Variants in RUNX1T1 observed in about 807,000 individuals in gnomAD.
RUNX1T1 encodes the protein protein CBFA2T1.
In RUNX1T1, 4 loss-of-function variants were observed where a neutral mutation model predicts 62.8. The observed-to-expected ratio is 0.06, with a 90% confidence interval of 0.03 to 0.15. The LOEUF (loss-of-function observed/expected upper bound fraction) is 0.15. Among genes scored for constraint, RUNX1T1 ranks in the 10% least tolerant of loss-of-function variants. The pLI, the probability that RUNX1T1 is intolerant of heterozygous loss-of-function variation, is 1.00. For synonymous variants in RUNX1T1, 291 were observed against 286.0 expected (o/e 1.02, Z -0.18); for missense variants, 508 against 754.3 (o/e 0.67, Z 3.82).
At chr8:92,035,304 A>T (rs1827205246) in intron 1 of RUNX1T1, among the ~76,000 whole-genome samples, 1 of 151,848 alleles carries the variant, frequency 6.6e-6, no homozygotes, top group African/African-American at 2.4e-5. Flanking sequence ...TCAAAAAAAA[A>T]AAAAAATAAG....
At chr8:92,069,471 A>C (rs927434807) in intron 2 of RUNX1T1, among the ~76,000 whole-genome samples, 2 of 152,134 alleles carry the variant, frequency 1.3e-5, no homozygotes, top group Non-Finnish European at 2.9e-5. Flanking sequence ...CATCTCTAAT[A>C]AATTCTCCAC....
chr8:91,960,902 A>G (rs762751506), intron 10 of RUNX1T1, among the ~76,000 whole-genome samples: 1 of 152,258 alleles, frequency 6.6e-6, no homozygotes, highest in African/African-American at 2.4e-5. Flanking sequence ...ACACAGAGAT[A>G]TATCTGAGCA....
intron 1 of RUNX1T1, among the ~76,000 whole-genome samples, chr8:92,085,279 A>G (rs1835919163): frequency 6.6e-6 from 1 of 152,232 alleles, no homozygotes; most frequent in Non-Finnish European, 1.5e-5. Context: ...AAAATGACTC[A>G]GAGTACCAAA....
intron 1 of RUNX1T1, among the ~76,000 whole-genome samples, chr8:92,039,111 G>T (rs1422737781): frequency 6.6e-6 from 1 of 151,788 alleles, no homozygotes; most frequent in Non-Finnish European, 1.5e-5. Context: ...TTTCCTTCCA[G>T]GTGGCCAAAT....
intron 6 of RUNX1T1, among the ~76,000 whole-genome samples, chr8:91,987,656 G>C (rs1816853771): frequency 6.6e-6 from 1 of 152,084 alleles, no homozygotes; most frequent in South Asian, 2.1e-4. Flanking sequence ...ATCCTAATTT[G>C]AAGTCCATGA....
At chr8:92,002,044 G>A (rs900166287) in intron 5 of RUNX1T1, among the ~76,000 whole-genome samples, 3 of 151,960 alleles carry the variant, frequency 2.0e-5, no homozygotes, top group Non-Finnish European at 4.4e-5. Context: ...CAAAACAAAC[G>A]ATCACATTCC....
At chr8:92,087,580 G>T (rs979785564) in intron 1 of RUNX1T1, among the ~76,000 whole-genome samples, 1 of 152,086 alleles carries the variant, frequency 6.6e-6, no homozygotes, top group African/African-American at 2.4e-5. Context: ...CAAGCTCCAC[G>T]ATCTATGTAG....
intron 8 of RUNX1T1, among the ~76,000 whole-genome samples, chr8:91,985,107 A>G (rs1816270291): frequency 6.6e-6 from 1 of 152,240 alleles, no homozygotes; most frequent in South Asian, 2.1e-4. Context: ...TAATGAGGCC[A>G]AAATTATGAA....
upstream of RUNX1T1, chr8:92,099,750 T>A: frequency 3.7e-6 from 2 of 539,916 alleles, no homozygotes; most frequent in Non-Finnish European, 4.7e-6. Context: ...ATCAAAGAAG[T>A]GAGAAACAGG....
chr8:92,090,434 T>TCAA (rs1004927765), intron 1 of RUNX1T1, among the ~76,000 whole-genome samples: 4 of 151,964 alleles, frequency 2.6e-5, no homozygotes, highest in South Asian at 2.1e-4. Flanking sequence ...CTGGATAAGT[T>TCAA]CAACAACAAC....
intron 3 of RUNX1T1, 149 bp downstream of exon 4, chr8:92,014,430 C>A (rs1176179059): frequency 5.6e-6 from 4 of 712,838 alleles, no homozygotes; most frequent in Non-Finnish European, 8.7e-6. Context: ...AAAAGACTGT[C>A]ACTATAGCAT....
chr8:92,024,177 T>G (rs1470726143), intron 1 of RUNX1T1, among the ~76,000 whole-genome samples: 2 of 152,134 alleles, frequency 1.3e-5, no homozygotes, highest in Admixed American at 1.3e-4. Flanking sequence ...GAGATTGAGC[T>G]GATTTTCACC....
chr8:91,956,273 TCCTG>T (rs1418256592), downstream of RUNX1T1: 2 of 231,840 alleles, frequency 8.6e-6, no homozygotes, highest in African/African-American at 2.2e-5. Flanking sequence ...TTCCTACTCC[TCCTG>T]CCTGAGAAAC....
chr8:91,993,501 G>A (rs567524940), intron 5 of RUNX1T1, among the ~76,000 whole-genome samples: 6 of 152,156 alleles, frequency 3.9e-5, no homozygotes, highest in East Asian at 3.9e-4. Flanking sequence ...GGACTCAGCC[G>A]TGTGACCTCC....
At chr8:92,075,881 CAATTAT>C (rs1208726882) in intron 2 of RUNX1T1, 78 bp downstream of exon 2, 3 of 1,256,898 alleles carry the variant, frequency 2.4e-6, no homozygotes, top group African/African-American at 1.5e-5. Flanking sequence ...AAAATCTTTA[CAATTAT>C]AATTTATTGG....
chr8:92,012,503 G>A (rs1822146841), intron 3 of RUNX1T1, among the ~76,000 whole-genome samples: 2 of 151,778 alleles, frequency 1.3e-5, no homozygotes, highest in African/African-American at 2.4e-5. Context: ...GAATGCATTG[G>A]GTGACAGAGA....
intron 1 of RUNX1T1, among the ~76,000 whole-genome samples, chr8:92,052,672 G>T (rs573445075): frequency 2.0e-5 from 3 of 152,248 alleles, no homozygotes; most frequent in African/African-American, 7.2e-5. Flanking sequence ...AGAATCCTCT[G>T]AGGGCTTGTT....
chr8:91,955,131 A>G (rs114524851), downstream of RUNX1T1: 1,105 of 215,112 alleles, frequency 5.1e-3, 15 homozygotes, highest in African/African-American at 0.023. Flanking sequence ...CAAATACATC[A>G]TCAACACTTC....
chr8:92,096,102 T>A (rs1203931124), intron 1 of RUNX1T1, among the ~76,000 whole-genome samples: 1 of 152,090 alleles, frequency 6.6e-6, no homozygotes, highest in Admixed American at 6.6e-5. Context: ...ATTCACACAC[T>A]CAGAGATATA....
Sources: allele counts gnomAD v4.1 joint callset (sites outside exome capture counted in the v4.1 genomes callset), GRCh38; gene constraint gnomAD v4.1.1; transcripts MANE v1.5; gene names NCBI Gene and HGNC (gene_info 2026-07-23, HGNC 2026-07-21).